FAM107B: variants seen among roughly 807,000 people sequenced by gnomAD.
FAM107B encodes the protein family with sequence similarity 107 member B, also known as protein FAM107B.
Under a neutral mutation model 31.5 loss-of-function variants are expected in FAM107B, and 21 were observed. That is an observed-to-expected ratio of 0.67 (90% CI 0.47 to 0.96). FAM107B has a LOEUF of 0.96. FAM107B is among the 40% of genes least tolerant of loss of function. FAM107B has a pLI of 0.00. For missense variants in FAM107B, 452 were observed against 377.1 expected (o/e 1.20, Z -1.64); for synonymous variants, 157 against 141.5 (o/e 1.11, Z -0.78).
At chr10:14,702,720 C>T (rs1433841183) in intron 1 of FAM107B, among the ~76,000 whole-genome samples, 1 of 152,114 alleles carries the variant, frequency 6.6e-6, no homozygotes, top group African/African-American at 2.4e-5. Flanking sequence ...GATAAGCTCT[C>T]CCATAGCAGA....
intron 2 of FAM107B, among the ~76,000 whole-genome samples, chr10:14,542,858 C>CTTAGACT (rs1402544146): frequency 6.6e-6 from 1 of 152,190 alleles, no homozygotes; most frequent in African/African-American, 2.4e-5. Flanking sequence ...AGAAAGATAA[C>CTTAGACT]TTAGACTTTT....
chr10:14,633,659 G>A (rs866773662), intron 2 of FAM107B, among the ~76,000 whole-genome samples: 66 of 151,760 alleles, frequency 4.3e-4, no homozygotes, highest in African/African-American at 1.6e-3. Flanking sequence ...ATTCAGTAGG[G>A]GTCTAACAAA....
chr10:14,628,532 T>C lies in FAM107B; in HGVS notation c.469+39102A>G, dbSNP rs1334548494. Among the ~76,000 whole-genome samples the C allele has an allele frequency of 2.0e-5, 3 of 152,200 alleles. 1 individual carries two copies. In the East Asian group the frequency reaches 5.8e-4, roughly 29 times the overall value. ...AAACCCCAACTTCCTTGGGAAGTAT[T>C]TGTAAACTTCTTAGAAAGATAAATG... On this transcript the variant is annotated intron_variant, in intron 2 of 4. Transcript: ENST00000181796.
chr10:14,726,308 C>G (rs76882717), intron 1 of FAM107B, among the ~76,000 whole-genome samples: 1 of 152,016 alleles, frequency 6.6e-6, no homozygotes, highest in African/African-American at 2.4e-5. Flanking sequence ...CAGTCAAATC[C>G]GGGGAAAATG....
At chr10:14,549,720 C>T (rs996887724) in intron 2 of FAM107B, among the ~76,000 whole-genome samples, 1 of 152,150 alleles carries the variant, frequency 6.6e-6, no homozygotes, top group African/African-American at 2.4e-5. Flanking sequence ...CATTCACCAC[C>T]GACAGTGATC....
chr10:14,656,456 T>C (rs973518827), intron 2 of FAM107B, among the ~76,000 whole-genome samples: 3 of 152,192 alleles, frequency 2.0e-5, no homozygotes, highest in African/African-American at 7.2e-5. Flanking sequence ...TAGATGACAA[T>C]TTCCACCTTC....
chr10:14,712,282 TA>T (rs1055772534), intron 1 of FAM107B, among the ~76,000 whole-genome samples: 9 of 151,166 alleles, frequency 6.0e-5, no homozygotes, highest in African/African-American at 1.5e-4. Flanking sequence ...ATTAAAAAAT[TA>T]AAAAAAAATG....
intron 2 of FAM107B, among the ~76,000 whole-genome samples, chr10:14,547,952 T>A (rs538809088): frequency 4.6e-5 from 7 of 152,362 alleles, no homozygotes; most frequent in African/African-American, 1.7e-4. Flanking sequence ...AGAGAACAGC[T>A]ATTTCCATGG....
intron 1 of FAM107B, among the ~76,000 whole-genome samples, chr10:14,728,348 T>C (rs906601621): frequency 6.6e-6 from 1 of 152,022 alleles, no homozygotes; most frequent in Admixed American, 6.6e-5. Context: ...TGTGTGTGTG[T>C]GTGCTTTTTT....
intron 1 of FAM107B, among the ~76,000 whole-genome samples, chr10:14,705,023 CAAAAAA>C (rs57922026): frequency 3.4e-5 from 3 of 87,932 alleles, no homozygotes; most frequent in African/African-American, 1.4e-4. Context: ...GACCCTGTCA[CAAAAAA>C]AAAAAAAAAA....
chr10:14,616,881 T>C (rs1420687853), intron 2 of FAM107B, among the ~76,000 whole-genome samples: 1 of 152,032 alleles, frequency 6.6e-6, no homozygotes, highest in Non-Finnish European at 1.5e-5. Context: ...ATTGTGCCGC[T>C]GTACTCCAGC....
At chr10:14,627,890 C>A (rs571576374) in intron 2 of FAM107B, among the ~76,000 whole-genome samples, 1 of 151,948 alleles carries the variant, frequency 6.6e-6, no homozygotes, top group African/African-American at 2.4e-5. Context: ...GGTCACAGGA[C>A]GTCATTTGCC....
chr10:14,772,095 C>G (rs1833317037), intron 1 of FAM107B, among the ~76,000 whole-genome samples: 1 of 152,138 alleles, frequency 6.6e-6, no homozygotes, highest in Admixed American at 6.5e-5. Context: ...GTGGCTCACT[C>G]CTGTAATCCC....
intron 2 of FAM107B, among the ~76,000 whole-genome samples, chr10:14,634,040 G>C (rs896076989): frequency 4.6e-5 from 7 of 152,074 alleles, no homozygotes; most frequent in Admixed American, 4.6e-4. Flanking sequence ...GTGATGTTTT[G>C]TCCCTAATTG....
intron 2 of FAM107B, among the ~76,000 whole-genome samples, chr10:14,640,254 A>G (rs981790671): frequency 6.6e-6 from 1 of 152,248 alleles, no homozygotes. Context: ...CCAGAATTTG[A>G]ACCCAGGGCT....
chr10:14,573,085 T>G (rs1023758834), intron 2 of FAM107B, among the ~76,000 whole-genome samples: 4 of 152,098 alleles, frequency 2.6e-5, no homozygotes, highest in African/African-American at 9.7e-5. Context: ...CCAAGCCCAG[T>G]GCATGGCAGA....
intron 3 of FAM107B, 133 bp from the exon 4 acceptor site, chr10:14,522,152 G>A (rs1845718173): frequency 6.1e-6 from 7 of 1,139,586 alleles, no homozygotes; most frequent in Non-Finnish European, 8.5e-6. Context: ...CTAGGCTACA[G>A]CAGGCAACAT....
At chr10:14,680,451 G>A (rs1220626244) in intron 1 of FAM107B, among the ~76,000 whole-genome samples, 1 of 151,962 alleles carries the variant, frequency 6.6e-6, no homozygotes, top group East Asian at 1.9e-4. Context: ...GCACATGCCT[G>A]TAATCCCAGC....
intron 2 of FAM107B, among the ~76,000 whole-genome samples, chr10:14,639,580 G>C (rs1020837020): frequency 6.6e-6 from 1 of 152,068 alleles, no homozygotes. Flanking sequence ...AGATCCACCA[G>C]ACCCTGGATT....
Sources: gnomAD v4.1 joint callset for allele counts (sites outside exome capture counted in the v4.1 genomes callset) on GRCh38, gnomAD v4.1.1 for gene constraint, MANE v1.5 for transcripts, NCBI Gene and HGNC (gene_info 2026-07-23, HGNC 2026-07-21) for gene names.